Variants in MAGI3 observed in about 807,000 individuals in gnomAD.
The protein encoded by MAGI3 is membrane-associated guanylate kinase, WW and PDZ domain-containing protein 3.
A neutral mutation model predicts 121.8 loss-of-function variants in MAGI3; 43 were observed. That is an observed-to-expected ratio of 0.35 (90% CI 0.28 to 0.46). MAGI3 has a LOEUF of 0.46. Among genes scored for constraint, MAGI3 ranks in the 20% least tolerant of loss-of-function variants. The pLI is 1.00. For synonymous variants in MAGI3, 553 were observed against 639.3 expected, an observed-to-expected ratio of 0.86 and a Z score of 2.04; for missense variants, 1,547 against 1,797.3, an observed-to-expected ratio of 0.86 and a Z score of 2.52.
intron 1 of MAGI3, among the ~76,000 whole-genome samples, chr1:113,530,477 A>T (rs898441923): frequency 7.3e-5 from 11 of 151,688 alleles, no homozygotes; most frequent in Non-Finnish European, 1.3e-4. Context: ...GGAGAGGATT[A>T]AAAAAAATAC....
At chr1:113,460,972 C>A (rs779185747) in intron 1 of MAGI3, among the ~76,000 whole-genome samples, 3 of 152,120 alleles carry the variant, frequency 2.0e-5, no homozygotes, top group Non-Finnish European at 2.9e-5. Flanking sequence ...GAAAGGCAAT[C>A]GAATTCCCAG....
rs746157733 is a variant in MAGI3, at chr1:113,684,041, AGTT to A, written c.*30_*32del. 3.2e-5 allele frequency: 47 copies of A among 1,491,290 alleles called. No individual in the cohort carries two copies. In the African/African-American group the frequency reaches 6.5e-4, roughly 21 times the overall value. 92.4% of individuals were successfully genotyped at this position (1,491,290 alleles called of 1,614,324 possible). A position where few individuals can be genotyped will look rare whatever the true frequency, so the allele number is the denominator to read the frequency against. On this transcript the variant is annotated 3_prime_UTR_variant, in exon 21 of 21. Transcript: ENST00000307546. ...CTTTAGTATAAAACAAAGAAAAACAAGTTGTAATCTTTTCTTACAGCAGCATTT... is the reference window on the plus strand; with the variant it reads ...CTTTAGTATAAAACAAAGAAAAACAAGTAATCTTTTCTTACAGCAGCATTT...
chr1:113,451,629 A>G (rs1033704535), intron 1 of MAGI3, among the ~76,000 whole-genome samples: 2 of 149,996 alleles, frequency 1.3e-5, no homozygotes, highest in African/African-American at 2.4e-5. Context: ...TAAGGAGGGA[A>G]TTTTTTTTTT....
At chr1:113,562,832 G>C (rs910250086) in intron 2 of MAGI3, among the ~76,000 whole-genome samples, 46 of 152,134 alleles carry the variant, frequency 3.0e-4, no homozygotes, top group Non-Finnish European at 1.2e-4. Context: ...ATGTACCCCT[G>C]AACTTAAAAG....
At chr1:113,554,478 A>C (rs534924738) in intron 2 of MAGI3, among the ~76,000 whole-genome samples, 1 of 151,876 alleles carries the variant, frequency 6.6e-6, no homozygotes, top group South Asian at 2.1e-4. Flanking sequence ...CCAGATGACA[A>C]TGGGGAGGGG....
At chr1:113,629,835 T>C (rs1651508566) in intron 9 of MAGI3, among the ~76,000 whole-genome samples, 1 of 138,394 alleles carries the variant, frequency 7.2e-6, no homozygotes, top group South Asian at 2.5e-4. Flanking sequence ...CTCTTGGAAC[T>C]GGGGGTTGGG....
intron 1 of MAGI3, among the ~76,000 whole-genome samples, chr1:113,425,728 A>G (rs1320689078): frequency 6.6e-6 from 1 of 152,148 alleles, no homozygotes; most frequent in East Asian, 1.9e-4. Context: ...ATTATCCTTT[A>G]AATGACTGCA....
chr1:113,523,913 G>A (rs61819371), intron 1 of MAGI3, among the ~76,000 whole-genome samples: 5,911 of 152,148 alleles, frequency 0.039, 151 homozygotes, highest in Middle Eastern at 0.068. Flanking sequence ...CCTGGAGACC[G>A]AGGAGGAAAA....
chr1:113,503,845 G>T (rs560656284), intron 1 of MAGI3, among the ~76,000 whole-genome samples: 1 of 152,004 alleles, frequency 6.6e-6, no homozygotes, highest in Non-Finnish European at 1.5e-5. Context: ...GAATGGTAAG[G>T]TCTAGAGAAG....
intron 1 of MAGI3, among the ~76,000 whole-genome samples, chr1:113,490,809 G>A (rs1570752547): frequency 6.6e-6 from 1 of 152,146 alleles, no homozygotes; most frequent in African/African-American, 2.4e-5. Context: ...TAATGATAAA[G>A]GGTTCAATTC....
intron 1 of MAGI3, among the ~76,000 whole-genome samples, chr1:113,507,977 C>CA (rs201531344): frequency 4.0e-4 from 60 of 151,552 alleles, no homozygotes; most frequent in African/African-American, 1.1e-3. Flanking sequence ...TCATTACTGC[C>CA]AAAAAAAATG....
At chr1:113,515,584 C>T (rs575132411) in intron 1 of MAGI3, among the ~76,000 whole-genome samples, 1 of 152,048 alleles carries the variant, frequency 6.6e-6, no homozygotes, top group Non-Finnish European at 1.5e-5. Flanking sequence ...ATGTTATCTT[C>T]ATTTACAGAT....
intron 1 of MAGI3, among the ~76,000 whole-genome samples, chr1:113,417,027 A>T (rs984213161): frequency 5.9e-5 from 9 of 152,066 alleles, no homozygotes; most frequent in Non-Finnish European, 8.8e-5. Context: ...TTGATTTTTT[A>T]AAAAACTTTT....
At chr1:113,488,200 G>A (rs1293271609) in intron 1 of MAGI3, among the ~76,000 whole-genome samples, 1 of 152,134 alleles carries the variant, frequency 6.6e-6, no homozygotes, top group Admixed American at 6.5e-5. Flanking sequence ...AGATTATTCT[G>A]TATATGCTCA....
chr1:113,683,403 T>C lies in MAGI3; in HGVS notation c.3835T>C (p.Cys1279Arg), dbSNP rs755752623. The C allele has an allele frequency of 1.8e-5, 29 of 1,613,898 alleles. No homozygotes were observed. The African/African-American group carries it at 3.2e-4, about 18-fold the overall frequency. ...CAGGGCAGGCTCTGGACAAGATCAG[T>C]GCAGAAAAAGCAGAGGTCGGTCGGC... ...STRAGSGQDQ[C>R]RKSRGRSASP... is the part of the protein sequence containing the mutation. Residue 1279 changes from cysteine (C) to arginine (R), a missense_variant, in exon 21 of 21, where the codon TGC becomes CGC. Physicochemically the swap from Cys to Arg is radical, Grantham distance 180. Transcript: ENST00000307546.
intron 1 of MAGI3, among the ~76,000 whole-genome samples, chr1:113,487,482 G>A (rs969686175): frequency 9.2e-5 from 14 of 152,102 alleles, no homozygotes; most frequent in African/African-American, 3.4e-4. Flanking sequence ...ACCTTGAGCA[G>A]TAGGATAAAA....
chr1:113,678,505 A>C (rs1236161051), intron 19 of MAGI3, among the ~76,000 whole-genome samples: 1 of 152,144 alleles, frequency 6.6e-6, no homozygotes, highest in African/African-American at 2.4e-5. Context: ...GATATTGTCC[A>C]TTTGTTCAAG....
intron 1 of MAGI3, among the ~76,000 whole-genome samples, chr1:113,476,893 G>C (rs1285876668): frequency 6.6e-6 from 1 of 152,174 alleles, no homozygotes; most frequent in Admixed American, 6.5e-5. Flanking sequence ...CTTGCTTTAT[G>C]AATCTGGGTT....
At chr1:113,659,743 G>C (rs755493121) in intron 16 of MAGI3, among the ~76,000 whole-genome samples, 1 of 152,184 alleles carries the variant, frequency 6.6e-6, no homozygotes, top group Non-Finnish European at 1.5e-5. Context: ...GCGTGGGAAT[G>C]GCTAGTAAGT....
Sources: gnomAD v4.1 joint callset for allele counts (sites outside exome capture counted in the v4.1 genomes callset) on GRCh38, gnomAD v4.1.1 for gene constraint, MANE v1.5 for transcripts, NCBI Gene and HGNC (gene_info 2026-07-23, HGNC 2026-07-21) for gene names.